Variants in ZFP1 observed in about 807,000 individuals in gnomAD.
ZFP1 encodes the protein ZFP1 zinc finger protein.
In ZFP1, 32 loss-of-function variants were observed where a neutral mutation model predicts 38.5. That is an observed-to-expected ratio of 0.83 (90% CI 0.63 to 1.12). The LOEUF is 1.12. Ranked by LOEUF, ZFP1 falls within the 50% of genes most tolerant of loss-of-function variation. ZFP1 has a pLI of 0.00. For missense variants in ZFP1, 616 were observed against 480.8 expected (o/e 1.28, Z -2.63); for synonymous variants, 245 against 168.8 (o/e 1.45, Z -3.50).
At chr16:75,149,982 A>C (rs541171113) in intron 1 of ZFP1, among the ~76,000 whole-genome samples, 1 of 150,874 alleles carries the variant, frequency 6.6e-6, no homozygotes, top group Non-Finnish European at 1.5e-5. Context: ...ACGGGGTTTC[A>C]CCATGTTGGC....
At chr16:75,141,996 G>A in the ZFP1 span, among the ~76,000 whole-genome samples, 10 of 150,606 alleles carry the variant, frequency 6.6e-5, no homozygotes, top group Middle Eastern at 3.4e-3. Flanking sequence ...AGACATTGCC[G>A]TGAGCCGAGA....
At chr16:75,125,894 T>A in the ZFP1 span, among the ~76,000 whole-genome samples, 1 of 151,632 alleles carries the variant, frequency 6.6e-6, no homozygotes, top group African/African-American at 2.4e-5. Context: ...ATACAAAAAT[T>A]AGCCAGGCAT....
At chr16:75,152,032 C>G (rs2037229307) in intron 1 of ZFP1, among the ~76,000 whole-genome samples, 1 of 152,106 alleles carries the variant, frequency 6.6e-6, no homozygotes, top group African/African-American at 2.4e-5. Flanking sequence ...GATGTCACTA[C>G]TTTGTTTTCT....
At chr16:75,139,261 C>T in the ZFP1 span, among the ~76,000 whole-genome samples, 2 of 144,854 alleles carry the variant, frequency 1.4e-5, no homozygotes, top group East Asian at 2.1e-4. Flanking sequence ...CCCAGCTACT[C>T]GGGAGGCTGA....
intron 2 of ZFP1, among the ~76,000 whole-genome samples, chr16:75,161,682 T>TC (rs1422123298): frequency 1.4e-5 from 2 of 146,696 alleles, no homozygotes; most frequent in Non-Finnish European, 1.5e-5. Flanking sequence ...CGAATTTTTT[T>TC]CTTCCATTAT....
upstream of ZFP1, among the ~76,000 whole-genome samples, chr16:75,145,550 C>T (rs970645482): frequency 6.6e-6 from 1 of 152,114 alleles, no homozygotes; most frequent in Non-Finnish European, 1.5e-5. Context: ...ATAAGAACCC[C>T]AAATCCCAGG....
upstream of ZFP1, among the ~76,000 whole-genome samples, chr16:75,148,049 G>A (rs1251051262): frequency 6.6e-6 from 1 of 152,062 alleles, no homozygotes; most frequent in East Asian, 1.9e-4. Flanking sequence ...CCTCAACAAA[G>A]TGGCCTGGGA....
In ZFP1 at chr16:75,166,802, C is replaced by A. The variant is rs762134697; in HGVS notation, c.48C>A (p.Asp16Glu). 6.2e-7 allele frequency: 1 copy of A among 1,614,142 alleles called. No individual in the cohort carries two copies. Among genetic ancestry groups the A allele is most frequent in the South Asian group, 1.1e-5 (1 of 91,084 alleles). ...GSVSFTDVTVDFTQEEWEQLD... is the reference protein window; with the variant it reads ...GSVSFTDVTVEFTQEEWEQLD... ...TTTCATTCACGGATGTGACTGTGGA[C>A]TTTACCCAGGAGGAATGGGAACAAC... The change falls in exon 3 of 4, where the codon GAC (aspartate) becomes GAA (glutamate). Residue 16 changes from aspartate (D) to glutamate (E), a missense_variant. Asp to Glu is a conservative substitution (Grantham distance 45). Transcript: ENST00000570010.
At chr16:75,163,287 G>A (rs9941097) in intron 2 of ZFP1, among the ~76,000 whole-genome samples, 127,202 of 152,012 alleles carry the variant, frequency 0.84, 53,440 homozygotes, top group Non-Finnish European at 0.88. Flanking sequence ...CCTCCCCAGC[G>A]TGCATTGTTG....
the ZFP1 span, among the ~76,000 whole-genome samples, chr16:75,133,804 T>G: frequency 1.3e-5 from 2 of 152,174 alleles, no homozygotes; most frequent in Non-Finnish European, 2.9e-5. Flanking sequence ...ATCCCAGCAC[T>G]TTGGGAGGCT....
intron 1 of ZFP1, among the ~76,000 whole-genome samples, chr16:75,152,173 A>G (rs2037237458): frequency 6.6e-6 from 1 of 152,092 alleles, no homozygotes; most frequent in African/African-American, 2.4e-5. Context: ...CGATGTGTCC[A>G]TGTGTGTTTT....
intron 3 of ZFP1, among the ~76,000 whole-genome samples, chr16:75,167,784 A>C (rs2038178493): frequency 6.6e-6 from 1 of 152,116 alleles, no homozygotes; most frequent in Admixed American, 6.6e-5. Context: ...ACTTTTGTAG[A>C]GACAAGTTCT....
Position 75,169,669 on chromosome 16 carries a change from A to G in ZFP1, c.559A>G (p.Thr187Ala). ...AAACTTGGTTCAACCTTTCATTTGT[A>G]CTTACTGTGACAAGGCTTTCTCCTT... is the stretch of plus-strand genomic sequence containing the variant. The part of the protein sequence containing the change: ...IKNLVQPFIC[T>A]YCDKAFSFKS... Residue 187 changes from threonine (T) to alanine (A), a missense_variant, in exon 4 of 4, where the codon ACT (threonine) becomes GCT (alanine). Thr to Ala is a moderately conservative substitution (Grantham distance 58). Transcript: ENST00000570010. 6.2e-7 allele frequency: 1 copy of G among 1,609,022 alleles called. No individual in the cohort carries two copies. Among genetic ancestry groups the G allele is most frequent in the Non-Finnish European group, 8.5e-7 (1 of 1,178,458 alleles).
chr16:75,137,361 C>T, the ZFP1 span, among the ~76,000 whole-genome samples: 1 of 151,420 alleles, frequency 6.6e-6, no homozygotes, highest in Non-Finnish European at 1.5e-5. Context: ...CCTGCAATTT[C>T]AGCACTTTGG....
chr16:75,147,357 A>C (rs1243823843), upstream of ZFP1, among the ~76,000 whole-genome samples: 1 of 152,122 alleles, frequency 6.6e-6, no homozygotes, highest in East Asian at 1.9e-4. Context: ...GGCTCACTGA[A>C]ACCTCAGCCT....
intron 2 of ZFP1, among the ~76,000 whole-genome samples, chr16:75,161,582 C>A (rs751460525): frequency 6.6e-6 from 1 of 150,776 alleles, no homozygotes; most frequent in Non-Finnish European, 1.5e-5. Context: ...GTCAAGAGGT[C>A]TGAAGGCTTT....
the ZFP1 span, among the ~76,000 whole-genome samples, chr16:75,128,383 A>G: frequency 6.6e-6 from 1 of 152,242 alleles, no homozygotes; most frequent in Non-Finnish European, 1.5e-5. Flanking sequence ...CTGTGTAAAC[A>G]TTAATTATTT....
chr16:75,146,925 G>A (rs2036955947), upstream of ZFP1, among the ~76,000 whole-genome samples: 2 of 109,826 alleles, frequency 1.8e-5, no homozygotes, highest in Non-Finnish European at 3.5e-5. Flanking sequence ...GGGTGACAGA[G>A]TGAGACCCTG....
chr16:75,169,454 A>G lies in ZFP1; in HGVS notation c.344A>G (p.Tyr115Cys), dbSNP rs1368920117. The G allele has an allele frequency of 7.4e-6, 12 of 1,612,828 alleles. No homozygotes were observed. The highest frequency in any genetic ancestry group is 6.7e-5 in the East Asian group (3 of 44,870). Residue 115 changes from tyrosine to cysteine, a missense_variant, in exon 4 of 4, where the codon TAT (tyrosine) becomes TGT (cysteine). Tyr to Cys is a radical substitution (Grantham distance 194). Transcript: ENST00000570010. ...KYDLYEKTLK[Y>C]NSDLLNSNRS... ...GACTTATATGAAAAAACTTTGAAAT[A>G]TAATTCAGACTTGCTTAATAGTAAT... is the stretch of plus-strand genomic sequence containing the variant.
Sources: allele counts gnomAD v4.1 joint callset (sites outside exome capture counted in the v4.1 genomes callset), GRCh38; gene constraint gnomAD v4.1.1; transcripts MANE v1.5; gene names NCBI Gene and HGNC (gene_info 2026-07-23, HGNC 2026-07-21).